The following SLX4IP variants were observed in gnomAD, a reference collection of about 807,000 sequenced individuals.
The protein encoded by SLX4IP is protein SLX4IP.
In SLX4IP, 34 loss-of-function variants were observed where a neutral mutation model predicts 32.9. The ratio of observed to expected loss-of-function variants is 1.03; its 90% CI spans 0.79 to 1.38. The LOEUF is 1.38. Among genes scored for constraint, SLX4IP ranks in the 40% most tolerant of loss-of-function variants. SLX4IP has a pLI of 0.00. For missense variants in SLX4IP, 444 were observed against 479.0 expected, an observed-to-expected ratio of 0.93 and a Z score of 0.68; for synonymous variants, 172 against 171.7, an observed-to-expected ratio of 1.00 and a Z score of -0.01.
At chr20:10,538,724 A>C (rs1000019716) in intron 2 of SLX4IP, among the ~76,000 whole-genome samples, 18 of 152,210 alleles carry the variant, frequency 1.2e-4, no homozygotes, top group Middle Eastern at 6.8e-3. Flanking sequence ...ATGTGGTTTC[A>C]TCATGTTGGC....
chr20:10,510,666 G>A (rs182633462), intron 2 of SLX4IP, among the ~76,000 whole-genome samples: 2 of 150,724 alleles, frequency 1.3e-5, no homozygotes, highest in Admixed American at 6.6e-5. Flanking sequence ...CTGCAGTGGC[G>A]CAATCTCGGC....
intron 2 of SLX4IP, among the ~76,000 whole-genome samples, chr20:10,552,343 TAGG>T (rs1047237800): frequency 3.9e-5 from 6 of 152,094 alleles, no homozygotes; most frequent in Admixed American, 1.3e-4. Flanking sequence ...TTCTCCTAAT[TAGG>T]AGGAGGAGAA....
intron 2 of SLX4IP, among the ~76,000 whole-genome samples, chr20:10,526,418 A>G (rs2065941113): frequency 6.6e-6 from 1 of 152,240 alleles, no homozygotes. Context: ...GGGATGAGCT[A>G]GAATATAATT....
chr20:10,585,894 G>T (rs989191616), intron 4 of SLX4IP, among the ~76,000 whole-genome samples: 3 of 152,056 alleles, frequency 2.0e-5, no homozygotes, highest in Non-Finnish European at 2.9e-5. Context: ...CCCAGCCACT[G>T]CACACCTTAT....
chr20:10,582,930 GA>G (rs1046501112), intron 4 of SLX4IP, among the ~76,000 whole-genome samples: 4 of 151,872 alleles, frequency 2.6e-5, no homozygotes, highest in Non-Finnish European at 5.9e-5. Flanking sequence ...ATATTTAGAA[GA>G]AAAAAATGTA....
At chr20:10,498,693 T>G (rs2065690626) in intron 2 of SLX4IP, among the ~76,000 whole-genome samples, 2 of 151,754 alleles carry the variant, frequency 1.3e-5, no homozygotes, top group Non-Finnish European at 2.9e-5. Context: ...TCTTTTTTTT[T>G]TTTTGTGGTG....
rs2066595630 is a variant in SLX4IP at position 10,582,306 on chromosome 20, C to T, written c.239-16369C>T. Among the ~76,000 whole-genome samples the T allele has an allele frequency of 2.0e-5, 3 of 152,140 alleles. No individual in the cohort carries two copies. The South Asian group carries it at 6.2e-4, about 32-fold the overall frequency. On this transcript the variant is annotated intron_variant, in intron 4 of 7. Transcript: ENST00000334534. The stretch of plus-strand genomic sequence containing the variant: ...AGTGTCAGTCTGTTTGTTTCCTACT[C>T]TTATTTTAAATTCCCTCTGTTCCTG...
chr20:10,492,530 T>C (rs542855003), intron 2 of SLX4IP, among the ~76,000 whole-genome samples: 8 of 152,352 alleles, frequency 5.3e-5, no homozygotes, highest in African/African-American at 1.9e-4. Flanking sequence ...TGTTATCTTT[T>C]GACATAACTG....
chr20:10,614,165 CCA>C, intron 6 of SLX4IP: 1 of 861,256 alleles, frequency 1.2e-6, no homozygotes, highest in South Asian at 1.5e-5. Context: ...CGCCCAGCAC[CCA>C]GTAAAGCCAG....
intron 5 of SLX4IP, among the ~76,000 whole-genome samples, chr20:10,601,045 C>T (rs1038935692): frequency 1.3e-5 from 2 of 152,188 alleles, no homozygotes; most frequent in East Asian, 1.9e-4. Context: ...TCATTGAATG[C>T]CGAGGAGTCC....
At chr20:10,518,451 CTTCCTTCCTTCCTTTCCTTTCTTTTCCT>C (rs141640944) in intron 2 of SLX4IP, among the ~76,000 whole-genome samples, 17,617 of 88,002 alleles carry the variant, frequency 0.2, 2,912 homozygotes, top group Non-Finnish European at 0.29. Context: ...TCCTTCCTTC[CTTCCTTCCTTCCTTTCCTTTCTTTTCCT>C]TTCCTTTCCT....
intron 1 of SLX4IP, among the ~76,000 whole-genome samples, chr20:10,453,122 A>G (rs2065256656): frequency 6.6e-6 from 1 of 152,152 alleles, no homozygotes; most frequent in African/African-American, 2.4e-5. Flanking sequence ...TCAGGATTCA[A>G]TGTTTGCTAT....
At chr20:10,473,958 G>A (rs192283983) in intron 2 of SLX4IP, among the ~76,000 whole-genome samples, 2 of 152,218 alleles carry the variant, frequency 1.3e-5, no homozygotes, top group East Asian at 3.9e-4. Context: ...AAGTAGCTGG[G>A]ATTACAGACA....
intron 2 of SLX4IP, among the ~76,000 whole-genome samples, chr20:10,512,622 TTA>T (rs2065816676): frequency 7.0e-6 from 1 of 143,454 alleles, no homozygotes; most frequent in Non-Finnish European, 1.5e-5. Context: ...ATATATAGTA[TTA>T]TATATTATAT....
chr20:10,580,499 C>CTT (rs71186104), intron 4 of SLX4IP, among the ~76,000 whole-genome samples: 2,103 of 134,856 alleles, frequency 0.016, 47 homozygotes, highest in African/African-American at 0.051. Flanking sequence ...TAGACTTACC[C>CTT]TTTTTTTTTT....
rs1470826645 is a variant in SLX4IP, at chr20:10,561,431, A to AT, written c.238+618dup. 1.2e-4 allele frequency among the ~76,000 whole-genome samples: 18 copies of AT among 151,746 alleles called. 1 individual carries two copies. Among genetic ancestry groups the AT allele is most frequent in the South Asian group, 2.1e-4 (1 of 4,802 alleles). On this transcript the variant is annotated intron_variant, in intron 4 of 7. Coordinates refer to ENST00000334534, the MANE Select transcript of SLX4IP (RefSeq NM_001009608.3). ...TCACAACTCTGATTGTATGAGCTCAATTTTTTTAATAAATAGCTTCTACAT... is the reference window on the plus strand; with the variant it reads ...TCACAACTCTGATTGTATGAGCTCAATTTTTTTTAATAAATAGCTTCTACAT...
At chr20:10,588,327 G>C (rs1178725847) in intron 4 of SLX4IP, among the ~76,000 whole-genome samples, 3 of 152,158 alleles carry the variant, frequency 2.0e-5, no homozygotes, top group Non-Finnish European at 2.9e-5. Flanking sequence ...ATACCTGTTA[G>C]AATGGCTGTT....
chr20:10,544,531 G>C (rs1034016715), intron 2 of SLX4IP, among the ~76,000 whole-genome samples: 1 of 152,052 alleles, frequency 6.6e-6, no homozygotes, highest in Non-Finnish European at 1.5e-5. Flanking sequence ...GACTACAGGC[G>C]TGCACCACCA....
rs769560243 is a variant in SLX4IP, at chr20:10,622,707, C to T, written c.555C>T (p.Thr185=). ...GCAGTGTCACGAGCAAATCGCAGAC[C>T]AGAAGAGACACTGTGGAAACATCTA... ...TKSSVTSKSQ[T]RRDTVETSSD... Residue 185 remains threonine (T), a synonymous_variant, in exon 8 of 8, where the codon ACC becomes ACT. Coordinates refer to ENST00000334534, the MANE Select transcript of SLX4IP (RefSeq NM_001009608.3). 14 of 1,613,538 alleles carry T rather than the reference C, an allele frequency of 8.7e-6. No homozygotes were observed. Among genetic ancestry groups the T allele is most frequent in the Non-Finnish European group, 8.5e-6 (10 of 1,179,960 alleles).
Sources: gnomAD v4.1 joint callset for allele counts (sites outside exome capture counted in the v4.1 genomes callset) on GRCh38, gnomAD v4.1.1 for gene constraint, MANE v1.5 for transcripts, NCBI Gene and HGNC (gene_info 2026-07-23, HGNC 2026-07-21) for gene names.